The following DLGAP5 variants were observed in gnomAD, a reference collection of about 807,000 sequenced individuals.
DLGAP5 encodes DLG associated protein 5.
Under a neutral mutation model 99.6 loss-of-function variants are expected in DLGAP5, and 90 were observed. That is an observed-to-expected ratio of 0.90 (90% CI 0.76 to 1.08). The LOEUF (loss-of-function observed/expected upper bound fraction) is 1.08. DLGAP5 is among the 50% of genes least tolerant of loss of function. The pLI is 0.00. For synonymous variants in DLGAP5, 311 were observed against 321.3 expected, an observed-to-expected ratio of 0.97 and a Z score of 0.34; for missense variants, 1,036 against 983.5, an observed-to-expected ratio of 1.05 and a Z score of -0.71.
At chr14:55,185,095 C>T (rs757409554) in intron 2 of DLGAP5, among the ~76,000 whole-genome samples, 1 of 152,144 alleles carries the variant, frequency 6.6e-6, no homozygotes, top group Non-Finnish European at 1.5e-5. Flanking sequence ...TACAAGCATG[C>T]GGTAATTTCT....
intron 2 of DLGAP5, among the ~76,000 whole-genome samples, chr14:55,187,221 G>A (rs951633691): frequency 7.3e-5 from 11 of 151,612 alleles, no homozygotes; most frequent in Admixed American, 5.3e-4. Context: ...TAATACTTTA[G>A]TATCAACTAA....
Position 55,175,887 on chromosome 14 carries a change from A to C in DLGAP5, c.1174+7T>G. The C allele has an allele frequency of 6.3e-7, 1 of 1,575,140 alleles. No homozygotes were observed. Among genetic ancestry groups the C allele is most frequent in the Non-Finnish European group, 8.6e-7 (1 of 1,160,992 alleles). On this transcript the variant is annotated splice_region_variant and intron_variant, in intron 9 of 18. Coordinates refer to ENST00000247191, the MANE Select transcript of DLGAP5 (RefSeq NM_014750.5). ...TAAAAAATGAATAAATTAATTAAAT[A>C]CTATACCTTCATGCCAAACAGTTAG...
At chr14:55,184,334 A>G (rs957988880) in intron 2 of DLGAP5, among the ~76,000 whole-genome samples, 2 of 152,014 alleles carry the variant, frequency 1.3e-5, no homozygotes, top group Non-Finnish European at 2.9e-5. Context: ...ATTCTTTAGC[A>G]CTCTAACCAC....
At chr14:55,172,810 C>T (rs1213261428) in intron 10 of DLGAP5, among the ~76,000 whole-genome samples, 5 of 151,488 alleles carry the variant, frequency 3.3e-5, no homozygotes, top group Admixed American at 6.6e-5. Context: ...GGTGAAACCC[C>T]GTCTCTACTA....
At chr14:55,152,149 A>G (rs1882040595) in intron 16 of DLGAP5, among the ~76,000 whole-genome samples, 1 of 152,200 alleles carries the variant, frequency 6.6e-6, no homozygotes, top group Non-Finnish European at 1.5e-5. Flanking sequence ...CAAGTTTCTC[A>G]GCAAGTACCT....
intron 4 of DLGAP5, among the ~76,000 whole-genome samples, chr14:55,181,596 C>T (rs1313878832): frequency 6.6e-6 from 1 of 152,164 alleles, no homozygotes; most frequent in Non-Finnish European, 1.5e-5. Context: ...GACATACTTT[C>T]ACTTCAAGAC....
At chr14:55,165,039 AAAT>A (rs569340881) in intron 12 of DLGAP5, among the ~76,000 whole-genome samples, 2 of 152,272 alleles carry the variant, frequency 1.3e-5, no homozygotes, top group Admixed American at 6.5e-5. Context: ...GAATATTTGC[AAAT>A]AATATTTCTC....
At chr14:55,185,194 A>G (rs1299874168) in intron 2 of DLGAP5, among the ~76,000 whole-genome samples, 5 of 152,072 alleles carry the variant, frequency 3.3e-5, no homozygotes, top group Non-Finnish European at 7.4e-5. Context: ...TCTACTATCA[A>G]CACTTTTATT....
chr14:55,187,955 A>G (rs117370347), intron 2 of DLGAP5, among the ~76,000 whole-genome samples: 1,554 of 152,278 alleles, frequency 0.01, 20 homozygotes, highest in Non-Finnish European at 0.014. Flanking sequence ...TCACTAAAAC[A>G]TATCAGGCAC....
chr14:55,185,258 G>A (rs1028238929), intron 2 of DLGAP5, among the ~76,000 whole-genome samples: 6 of 152,200 alleles, frequency 3.9e-5, no homozygotes, highest in Admixed American at 6.5e-5. Flanking sequence ...GGAATGCAGC[G>A]GCGTGATCTC....
intron 2 of DLGAP5, among the ~76,000 whole-genome samples, chr14:55,184,907 A>G (rs1883383622): frequency 6.6e-6 from 1 of 152,238 alleles, no homozygotes. Context: ...ATTGTATGAA[A>G]TAATCAATAT....
At chr14:55,186,010 C>T (rs915875679) in intron 2 of DLGAP5, among the ~76,000 whole-genome samples, 4 of 152,310 alleles carry the variant, frequency 2.6e-5, no homozygotes, top group Admixed American at 2.6e-4. Context: ...ATAGCTCACG[C>T]CTGTACTCCT....
chr14:55,182,084 C>A (rs1236491520), intron 4 of DLGAP5, among the ~76,000 whole-genome samples: 1 of 152,182 alleles, frequency 6.6e-6, no homozygotes, highest in African/African-American at 2.4e-5. Context: ...CTTTCCTCCC[C>A]ATATGCATTT....
Position 55,175,987 on chromosome 14 carries a change from CCAAAAT to C in DLGAP5, c.1075_1080del (p.Ile359_Leu360del), listed in dbSNP as rs542252069. On this transcript the variant is annotated inframe_deletion, in exon 9 of 19. Coordinates refer to ENST00000247191, the MANE Select transcript of DLGAP5 (RefSeq NM_014750.5). ...GTAGAGTAAGTTTTACATTTTTGTG[CCAAAAT>C]TTCTTTTGTTGCTTGAGACTCATCA... is the stretch of plus-strand genomic sequence containing the variant. 4.6e-3 allele frequency: 7,438 copies of C among 1,606,734 alleles called. 27 individuals are homozygous for C. The highest frequency in any genetic ancestry group is 5.5e-3 in the Non-Finnish European group (6,487 of 1,175,732).
At chr14:55,190,716 G>A (rs1273091608) in intron 1 of DLGAP5, among the ~76,000 whole-genome samples, 2 of 152,142 alleles carry the variant, frequency 1.3e-5, no homozygotes, top group Non-Finnish European at 2.9e-5. Context: ...TAAAAAACGA[G>A]AATCTGTCTG....
At chr14:55,176,917 A>G (rs8009060) in intron 8 of DLGAP5, 145 bp downstream of exon 8, 17,737 of 584,504 alleles carry the variant, frequency 0.03, 1,592 homozygotes, top group African/African-American at 0.25. Context: ...GGCGGAGCTT[A>G]CAGTGAGGGG....
In DLGAP5 at chr14:55,186,226, G is replaced by A. The variant is rs934703659; in HGVS notation, c.239-2473C>T. ...GCAGAGGTTGCGGTGAGCCGAGATC[G>A]TGCCATTGCACTCCAGCCTGGGCAA... On this transcript the variant is annotated intron_variant, in intron 2 of 18. Coordinates refer to ENST00000247191, the MANE Select transcript of DLGAP5 (RefSeq NM_014750.5). Among the ~76,000 whole-genome samples, 6 of 152,174 alleles carry A rather than the reference G, an allele frequency of 3.9e-5. No homozygotes were observed. The South Asian group carries it at 6.2e-4, about 16-fold the overall frequency.
At chr14:55,157,293 A>T (rs1882245844) in intron 14 of DLGAP5, among the ~76,000 whole-genome samples, 1 of 152,194 alleles carries the variant, frequency 6.6e-6, no homozygotes, top group Non-Finnish European at 1.5e-5. Context: ...AGCTGTAAAA[A>T]CCACGAAGAT....
intron 13 of DLGAP5, among the ~76,000 whole-genome samples, chr14:55,162,251 G>C (rs922853024): frequency 1.3e-5 from 2 of 152,140 alleles, no homozygotes; most frequent in Non-Finnish European, 2.9e-5. Flanking sequence ...AATAATATTT[G>C]ACACATACTA....
Sources: allele counts gnomAD v4.1 joint callset (sites outside exome capture counted in the v4.1 genomes callset), GRCh38; gene constraint gnomAD v4.1.1; transcripts MANE v1.5; gene names NCBI Gene and HGNC (gene_info 2026-07-23, HGNC 2026-07-21).